The following CELF2 variants were observed in gnomAD, a reference collection of about 807,000 sequenced individuals.
CELF2 encodes the protein CUG triplet repeat RNA-binding protein 2.
In CELF2, 8 loss-of-function variants were observed where a neutral mutation model predicts 62.6. The observed-to-expected ratio is 0.13, with a 90% CI of 0.07 to 0.23. The LOEUF is 0.23. CELF2 is among the 10% of genes least tolerant of loss of function. CELF2 has a pLI of 1.00. For synonymous variants in CELF2, 258 were observed against 250.0 expected, an observed-to-expected ratio of 1.03 and a Z score of -0.30; for missense variants, 333 against 671.0, an observed-to-expected ratio of 0.50 and a Z score of 5.56.
At chr10:10,725,634 T>C in the CELF2 span, among the ~76,000 whole-genome samples, 1 of 152,176 alleles carries the variant, frequency 6.6e-6, no homozygotes, top group Admixed American at 6.5e-5. Flanking sequence ...TCTAATCCCA[T>C]TTCTTCCTCA....
At chr10:10,620,821 G>A in the CELF2 span, among the ~76,000 whole-genome samples, 1 of 149,976 alleles carries the variant, frequency 6.7e-6, no homozygotes, top group Non-Finnish European at 1.5e-5. Context: ...GGGAGGCTGA[G>A]GCAGGAGAAT....
At position 10,972,723 on chromosome 10, in the gene CELF2, G is replaced by A. The variant is rs538893619; in HGVS notation, c.89+52724G>A. Among the ~76,000 whole-genome samples, 109 of 152,160 alleles carry A rather than the reference G, an allele frequency of 7.2e-4. No individual in the cohort carries two copies. Among genetic ancestry groups the A allele is most frequent in the African/African-American group, 2.4e-3 (101 of 41,514 alleles). On this transcript the variant is annotated intron_variant, in intron 2 of 13. Transcript: ENST00000636488. This position sits in a 1 kb window ranked among gnomAD's most constrained non-coding sequence, Gnocchi z 4.4. ...GCTCCTGGGGCACTTCAAACTCAAC[G>A]AGCCTCCAACTCACAAGGTCACGTC... is the stretch of plus-strand genomic sequence containing the variant.
intron 3 of CELF2, among the ~76,000 whole-genome samples, chr10:11,241,979 G>A (rs1386458361): frequency 6.6e-6 from 1 of 152,154 alleles, no homozygotes; most frequent in East Asian, 1.9e-4. Flanking sequence ...TATTCTCCAT[G>A]GATGATTTTT....
chr10:10,546,637 T>A, the CELF2 span, among the ~76,000 whole-genome samples: 1 of 152,180 alleles, frequency 6.6e-6, no homozygotes, highest in African/African-American at 2.4e-5. Context: ...ATAATTACTC[T>A]CTGGTCAAGA....
chr10:11,181,004 G>A (rs1053006482), intron 2 of CELF2, among the ~76,000 whole-genome samples: 6 of 152,106 alleles, frequency 3.9e-5, no homozygotes, highest in Admixed American at 2.6e-4. Flanking sequence ...CTAATAACTG[G>A]GACTACAGGT....
the CELF2 span, among the ~76,000 whole-genome samples, chr10:10,649,616 T>C: frequency 2.6e-5 from 4 of 152,184 alleles, no homozygotes; most frequent in South Asian, 4.1e-4. Flanking sequence ...TGAGTCATAA[T>C]AGACTTGCAA....
At chr10:11,119,766 G>T (rs74371959) in intron 1 of CELF2, among the ~76,000 whole-genome samples, 1,831 of 151,832 alleles carry the variant, frequency 0.012, 46 homozygotes, top group African/African-American at 0.042. Context: ...CCCCTATAAT[G>T]ATCAAGGGAG....
the CELF2 span, among the ~76,000 whole-genome samples, chr10:10,497,959 G>A: frequency 6.6e-6 from 1 of 152,164 alleles, no homozygotes; most frequent in Non-Finnish European, 1.5e-5. Flanking sequence ...CAGACCAAAA[G>A]GAGACTATTG....
At chr10:10,952,131 C>G (rs886154750) in intron 2 of CELF2, 2 of 152,182 alleles carry the variant, frequency 1.3e-5, no homozygotes, top group Non-Finnish European at 2.9e-5. Flanking sequence ...ATCCAAGGGG[C>G]GTATCTTCAG....
the CELF2 span, among the ~76,000 whole-genome samples, chr10:10,527,002 G>A: frequency 1.3e-5 from 2 of 152,214 alleles, no homozygotes; most frequent in African/African-American, 4.8e-5. Context: ...AAATGTTATG[G>A]TTTCATTACA....
the CELF2 span, among the ~76,000 whole-genome samples, chr10:10,778,841 A>T: frequency 6.6e-6 from 1 of 152,230 alleles, no homozygotes; most frequent in Non-Finnish European, 1.5e-5. Flanking sequence ...ATGGGATTGC[A>T]GGAAGAAACA....
chr10:10,817,645 C>T lies in CELF2; in HGVS notation c.53+18828C>T, dbSNP rs566533339. On this transcript the variant is annotated intron_variant, in intron 1 of 13. Transcript: ENST00000636488. The stretch of plus-strand genomic sequence containing the variant: ...CCAGTTCCATCTATGTTGTTGCAAA[C>T]GACTCGATCTCATTTTTTATGGCTG... Among the ~76,000 whole-genome samples the T allele has an allele frequency of 1.2e-4, 18 of 152,218 alleles. No individual in the cohort carries two copies. The East Asian group carries it at 1.5e-3, about 13-fold the overall frequency.
chr10:10,837,200 A>T (rs1206435123), intron 1 of CELF2, among the ~76,000 whole-genome samples: 1 of 152,148 alleles, frequency 6.6e-6, no homozygotes, highest in Non-Finnish European at 1.5e-5. Flanking sequence ...TAATTGAATC[A>T]TGGGTGTGGT....
chr10:10,993,737 A>G lies in CELF2; in HGVS notation c.89+73738A>G, dbSNP rs2053663289. 6.6e-6 allele frequency among the ~76,000 whole-genome samples: 1 copy of G among 152,196 alleles called. No homozygotes were observed. The highest frequency in any genetic ancestry group is 2.4e-5 in the African/African-American group (1 of 41,456). On this transcript the variant is annotated intron_variant, in intron 2 of 13. Transcript: ENST00000636488. The surrounding 1 kb of genome is among the most constrained non-coding windows in gnomAD (Gnocchi z 5.3). ...TGGATGTTTTCAGAAAGCATTGGAT[A>G]TCGATATGGACTCAGCTGTGTTCTC...
the CELF2 span, among the ~76,000 whole-genome samples, chr10:10,491,993 C>A: frequency 3.3e-5 from 5 of 152,084 alleles, no homozygotes; most frequent in Non-Finnish European, 7.4e-5. Context: ...TTTTCTTACC[C>A]CTCTTCCTCC....
the CELF2 span, among the ~76,000 whole-genome samples, chr10:10,655,042 T>C: frequency 6.7e-6 from 1 of 148,480 alleles, no homozygotes; most frequent in Non-Finnish European, 1.5e-5. Context: ...AAAATCAATG[T>C]ACAAAAATCA....
chr10:10,468,602 C>A, the CELF2 span, among the ~76,000 whole-genome samples: 3 of 152,008 alleles, frequency 2.0e-5, no homozygotes, highest in South Asian at 6.2e-4. Context: ...GTGAACCATT[C>A]GAGATGTCTA....
the CELF2 span, among the ~76,000 whole-genome samples, chr10:10,656,651 C>T: frequency 2.5e-5 from 3 of 119,964 alleles, no homozygotes; most frequent in African/African-American, 9.4e-5. Flanking sequence ...TATTCTCACT[C>T]ATAGGTGGGA....
chr10:11,267,632 C>T lies in CELF2; in HGVS notation c.618+955C>T, dbSNP rs552472467. Among the ~76,000 whole-genome samples the T allele has an allele frequency of 8.4e-4, 128 of 152,144 alleles. No homozygotes were observed. Among genetic ancestry groups the T allele is most frequent in the South Asian group, 1.7e-3 (8 of 4,818 alleles). On this transcript the variant is annotated intron_variant, in intron 6 of 12. Coordinates refer to ENST00000633077, the MANE Select transcript of CELF2 (RefSeq NM_001326342.2). The surrounding 1 kb of genome is among the most constrained non-coding windows in gnomAD (Gnocchi z 4.4). ...TATTTAATATGCAAAAAACTTTTTTCTTGATTGAGCTTCTGTTTTCCCCCC... is the reference window on the plus strand; with the variant it reads ...TATTTAATATGCAAAAAACTTTTTTTTTGATTGAGCTTCTGTTTTCCCCCC...
Sources: gnomAD v4.1 joint callset for allele counts (sites outside exome capture counted in the v4.1 genomes callset) on GRCh38, gnomAD v4.1.1 for gene constraint, Gnocchi (gnomAD v3.1) non-coding constraint, MANE v1.5 for transcripts, NCBI Gene and HGNC (gene_info 2026-07-23, HGNC 2026-07-21) for gene names.